The following EFHB variants were observed in gnomAD, a reference collection of about 807,000 sequenced individuals.
The protein encoded by EFHB is EF-hand domain family member B, also known as EF-hand domain-containing family member B.
A neutral mutation model predicts 87.2 loss-of-function variants in EFHB; 91 were observed. The observed-to-expected ratio is 1.04, with a 90% confidence interval of 0.88 to 1.24. EFHB has a LOEUF of 1.24. Among genes scored for constraint, EFHB ranks in the 50% most tolerant of loss-of-function variants. The pLI is 0.00. For missense variants in EFHB, 1,084 were observed against 998.8 expected (o/e 1.09, Z -1.15); for synonymous variants, 325 against 333.6 (o/e 0.97, Z 0.28).
intron 4 of EFHB, 52 bp downstream of exon 4, chr3:19,918,178 CAA>C (rs1695300194): frequency 1.4e-6 from 2 of 1,438,080 alleles, no homozygotes; most frequent in South Asian, 2.9e-5. Context: ...TCAAATTTTC[CAA>C]AGAGACTTAT....
chr3:19,890,316 A>C (rs1218777972), intron 9 of EFHB, among the ~76,000 whole-genome samples: 2 of 152,194 alleles, frequency 1.3e-5, no homozygotes. Flanking sequence ...GAGAAAGATG[A>C]TTAGAAGTAG....
upstream of EFHB, among the ~76,000 whole-genome samples, chr3:19,937,124 G>A (rs6810381): frequency 5.1e-3 from 768 of 151,598 alleles, 7 homozygotes; most frequent in African/African-American, 0.018. Flanking sequence ...AGCCGAGATC[G>A]CACCACTGCA....
rs745905171 is a variant in EFHB at position 19,879,617 on chromosome 3, G to A, written c.*14C>T. 3.3e-6 allele frequency: 5 copies of A among 1,537,510 alleles called. No individual in the cohort carries two copies. The South Asian group carries it at 5.0e-5, about 16-fold the overall frequency. ...TAATAATTCTTTTGCTTGAATGAATGAAGTCCAAAAATATCACATGAGTGT... is the reference window on the plus strand; with the variant it reads ...TAATAATTCTTTTGCTTGAATGAATAAAGTCCAAAAATATCACATGAGTGT... On this transcript the variant is annotated 3_prime_UTR_variant, in exon 13 of 13. Transcript: ENST00000295824.
At chr3:19,904,369 T>C (rs1425974817) in intron 6 of EFHB, among the ~76,000 whole-genome samples, 3 of 152,166 alleles carry the variant, frequency 2.0e-5, no homozygotes, top group African/African-American at 7.2e-5. Flanking sequence ...ATTTCTTGCT[T>C]TTTTTGTTGT....
chr3:19,908,078 A>G (rs1020717374), intron 5 of EFHB, among the ~76,000 whole-genome samples: 1 of 152,226 alleles, frequency 6.6e-6, no homozygotes, highest in Non-Finnish European at 1.5e-5. Flanking sequence ...TATCAACAAT[A>G]TGTTTTTGTA....
At chr3:19,884,749 AC>A (rs1362881054) in intron 10 of EFHB, 134 bp from the exon 11 acceptor site, 2 of 728,034 alleles carry the variant, frequency 2.7e-6, no homozygotes, top group Non-Finnish European at 4.5e-6. Flanking sequence ...CCCTCCACTG[AC>A]CCAACACCCA....
In EFHB at chr3:19,881,275, C is replaced by T. The variant is rs191335306; in HGVS notation, c.2328+1275G>A. Among the ~76,000 whole-genome samples the T allele has an allele frequency of 3.9e-3, 587 of 152,294 alleles. 4 individuals are homozygous for T. Among genetic ancestry groups the T allele is most frequent in the African/African-American group, 0.013 (552 of 41,568 alleles). On this transcript the variant is annotated intron_variant, in intron 12 of 12. Transcript: ENST00000295824. ...CCAGACCTTCTCCCCTGCTTCCTTC[C>T]CCACTCCTTGGAGGCTTTGCTCCAG...
At chr3:19,937,609 T>C (rs1174500301), upstream of EFHB, among the ~76,000 whole-genome samples, 1 of 152,148 alleles carries the variant, frequency 6.6e-6, no homozygotes, top group Non-Finnish European at 1.5e-5. Context: ...AACATCTTTA[T>C]GTCTACCACA....
chr3:19,893,240 C>T (rs576709313), intron 9 of EFHB, among the ~76,000 whole-genome samples: 11 of 152,242 alleles, frequency 7.2e-5, no homozygotes, highest in Non-Finnish European at 1.5e-4. Context: ...CATGCCCAGC[C>T]CATATTCTCT....
chr3:19,892,799 G>A (rs1413576811), intron 9 of EFHB, among the ~76,000 whole-genome samples: 2 of 151,772 alleles, frequency 1.3e-5, no homozygotes, highest in African/African-American at 4.8e-5. Context: ...AGCCTGCAGT[G>A]AGCTATGATG....
chr3:19,887,100 G>T, intron 10 of EFHB, among the ~76,000 whole-genome samples: 1 of 152,220 alleles, frequency 6.6e-6, no homozygotes, highest in East Asian at 1.9e-4. Context: ...ATGAAAGCTG[G>T]CTGGGCATGT....
At chr3:19,928,784 A>G (rs1695722115) in intron 1 of EFHB, among the ~76,000 whole-genome samples, 1 of 152,060 alleles carries the variant, frequency 6.6e-6, no homozygotes, top group Non-Finnish European at 1.5e-5. Flanking sequence ...TTTTCTTATC[A>G]TAGCCAATGC....
Position 19,879,694 on chromosome 3 carries a change from G to A in EFHB, c.2439C>T (p.Asn813=). The change falls in exon 13 of 13, where the codon AAC becomes AAT. Residue 813 remains asparagine, a synonymous_variant. Transcript: ENST00000295824. ...KHHRGEVCVE[N]IRNVLDELRH... ...GTAGCTCATCTAGAACATTTCTGAT[G>A]TTCTCAACACAAACTTCTCCTCTGT... 6.2e-7 allele frequency: 1 copy of A among 1,610,378 alleles called. No individual in the cohort carries two copies.
rs111403113 is a variant in EFHB, at chr3:19,918,184, G to A, written c.1177+48C>T. ...GATATTTAATCAAATTTTCCAAAGA[G>A]ACTTATTTTACCAGCCCCTTCCCAC... On this transcript the variant is annotated intron_variant, in intron 4 of 12. Transcript: ENST00000295824. The A allele has an allele frequency of 1.6e-4, 232 of 1,463,252 alleles. 1 individual carries two copies. The African/African-American group carries it at 2.9e-3, about 18-fold the overall frequency. The allele number at this position is 1,463,252 out of a possible 1,614,324, so 90.6% of individuals were successfully genotyped here. A position where few individuals can be genotyped will look rare whatever the true frequency, so the allele number is the denominator to read the frequency against.
At chr3:19,910,143 G>A (rs1472162973) in intron 5 of EFHB, among the ~76,000 whole-genome samples, 4 of 151,882 alleles carry the variant, frequency 2.6e-5, no homozygotes, top group Admixed American at 1.3e-4. Context: ...AGCAGAGCAC[G>A]AAGCAGGCTC....
At chr3:19,882,087 T>A (rs2071693755) in intron 12 of EFHB, among the ~76,000 whole-genome samples, 1 of 151,808 alleles carries the variant, frequency 6.6e-6, no homozygotes. Context: ...TGTATTACCT[T>A]ACCTGTGTTG....
intron 6 of EFHB, among the ~76,000 whole-genome samples, chr3:19,902,724 T>C (rs1295627602): frequency 6.6e-6 from 1 of 152,166 alleles, no homozygotes; most frequent in Admixed American, 6.5e-5. Context: ...CATTAAATCG[T>C]GCATATAAAA....
At position 19,882,672 on chromosome 3, in the gene EFHB, G is replaced by T. The variant is rs758950065; in HGVS notation, c.2206C>A (p.Arg736Ser). The change falls in exon 12 of 13, where the codon CGC (arginine) becomes AGC (serine). Residue 736 changes from arginine (R) to serine (S), a missense_variant. Transcript: ENST00000295824. ...RSDIPAPRIR[R>S]ISDRTNYGEE... ...CCATAATTAGTTCTGTCACTGATGCGACGAATTCGGGGAGCAGGAATGTCA... is the reference window on the plus strand; with the variant it reads ...CCATAATTAGTTCTGTCACTGATGCTACGAATTCGGGGAGCAGGAATGTCA... 1 of 1,613,550 alleles carries T rather than the reference G, an allele frequency of 6.2e-7. No homozygotes were observed. The highest frequency in any genetic ancestry group is 8.5e-7 in the Non-Finnish European group (1 of 1,179,790).
intron 9 of EFHB, among the ~76,000 whole-genome samples, chr3:19,893,678 G>T (rs1694381014): frequency 6.6e-6 from 1 of 152,136 alleles, no homozygotes; most frequent in African/African-American, 2.4e-5. Flanking sequence ...ACTTTACCAA[G>T]AAATCTATTG....
Sources: allele counts gnomAD v4.1 joint callset (sites outside exome capture counted in the v4.1 genomes callset), GRCh38; gene constraint gnomAD v4.1.1; transcripts MANE v1.5; gene names NCBI Gene and HGNC (gene_info 2026-07-23, HGNC 2026-07-21).